Variants in CCSER1 observed in about 807,000 individuals in gnomAD.
The protein encoded by CCSER1 is serine-rich coiled-coil domain-containing protein 1.
Under a neutral mutation model 82.0 loss-of-function variants are expected in CCSER1, and 41 were observed. The observed-to-expected ratio is 0.50, with a 90% CI of 0.39 to 0.65. The LOEUF is 0.65. Ranked by LOEUF, CCSER1 falls within the 30% of genes least tolerant of loss-of-function variation. CCSER1 has a pLI of 0.00. For synonymous variants in CCSER1, 414 were observed against 383.9 expected, an observed-to-expected ratio of 1.08 and a Z score of -0.92; for missense variants, 1,119 against 1,064.2, an observed-to-expected ratio of 1.05 and a Z score of -0.72.
intron 5 of CCSER1, among the ~76,000 whole-genome samples, chr4:90,607,251 G>GAT: frequency 6.6e-6 from 1 of 152,178 alleles, no homozygotes; most frequent in South Asian, 2.1e-4. Flanking sequence ...TGTATATTTT[G>GAT]ATATATATGT....
Position 91,199,159 on chromosome 4 carries a change from A to G in CCSER1, c.2217+113165A>G, listed in dbSNP as rs532240670. Reference sequence around the variant, plus strand: ...AACAAGTGTTTATTAGCTCTAGCCTATATCACATGTTCCACACTTGCAGGA... The same window carrying G: ...AACAAGTGTTTATTAGCTCTAGCCTGTATCACATGTTCCACACTTGCAGGA... On this transcript the variant is annotated intron_variant, in intron 10 of 10. Transcript: ENST00000509176. Among the ~76,000 whole-genome samples the G allele has an allele frequency of 2.0e-4, 31 of 152,276 alleles. No homozygotes were observed. In the East Asian group the frequency reaches 4.1e-3, roughly 20 times the overall value.
At chr4:90,276,014 A>G (rs1727462811) in intron 1 of CCSER1, among the ~76,000 whole-genome samples, 1 of 152,166 alleles carries the variant, frequency 6.6e-6, no homozygotes, top group African/African-American at 2.4e-5. Flanking sequence ...ATGATCTCCC[A>G]TGAGTGGTCT....
At chr4:90,839,124 A>C in intron 8 of CCSER1, 4 of 961,416 alleles carry the variant, frequency 4.2e-6, no homozygotes, top group Admixed American at 2.0e-5. Flanking sequence ...TCGCCATAAT[A>C]TTTTTAATAA....
At chr4:91,233,046 A>T (rs1052401280) in intron 10 of CCSER1, among the ~76,000 whole-genome samples, 11 of 151,730 alleles carry the variant, frequency 7.2e-5, no homozygotes, top group African/African-American at 2.7e-4. Flanking sequence ...GATTGGAGAG[A>T]TCATTTACTG....
chr4:90,644,387 G>A (rs1727108798), intron 6 of CCSER1, among the ~76,000 whole-genome samples: 1 of 152,098 alleles, frequency 6.6e-6, no homozygotes, highest in Non-Finnish European at 1.5e-5. Context: ...GTGGCACCAT[G>A]TTGGCACTCA....
At chr4:91,493,364 GTAT>G (rs1193020300) in intron 10 of CCSER1, among the ~76,000 whole-genome samples, 3 of 151,598 alleles carry the variant, frequency 2.0e-5, no homozygotes, top group Admixed American at 6.6e-5. Context: ...ATATTTATGT[GTAT>G]TATTAATGGC....
intron 1 of CCSER1, among the ~76,000 whole-genome samples, chr4:90,188,867 G>A (rs1161524635): frequency 6.6e-6 from 1 of 151,928 alleles, no homozygotes; most frequent in Non-Finnish European, 1.5e-5. Context: ...ATAAGAATTA[G>A]GATAGGAGAC....
intron 10 of CCSER1, among the ~76,000 whole-genome samples, chr4:91,225,394 AT>A (rs1293115219): frequency 7.1e-6 from 1 of 141,274 alleles, no homozygotes; most frequent in Non-Finnish European, 1.5e-5. Flanking sequence ...TAATATATAT[AT>A]TCATATATAT....
chr4:91,081,591 G>T (rs1421710172), intron 9 of CCSER1, among the ~76,000 whole-genome samples: 1 of 148,758 alleles, frequency 6.7e-6, no homozygotes, highest in African/African-American at 2.6e-5. Flanking sequence ...AGAAATAAAG[G>T]GTATTCAATT....
At chr4:91,291,489 G>T (rs1455460036) in intron 10 of CCSER1, among the ~76,000 whole-genome samples, 1 of 151,972 alleles carries the variant, frequency 6.6e-6, no homozygotes, top group Non-Finnish European at 1.5e-5. Flanking sequence ...GCTAGCATCT[G>T]CTGGGCTTCT....
intron 7 of CCSER1, among the ~76,000 whole-genome samples, chr4:90,786,981 T>A (rs1754602008): frequency 1.3e-5 from 2 of 152,232 alleles, no homozygotes; most frequent in Admixed American, 1.3e-4. Context: ...AGGGAATCAC[T>A]AACTTAATTT....
intron 9 of CCSER1, among the ~76,000 whole-genome samples, chr4:90,988,317 A>C (rs1046750202): frequency 7.2e-6 from 1 of 138,644 alleles, no homozygotes; most frequent in African/African-American, 2.7e-5. Flanking sequence ...CCTGGGAGAC[A>C]GAGTGATATC....
At chr4:91,483,444 T>A (rs1270668613) in intron 10 of CCSER1, among the ~76,000 whole-genome samples, 1 of 152,014 alleles carries the variant, frequency 6.6e-6, no homozygotes, top group Admixed American at 6.6e-5. Context: ...TTTTTACTTT[T>A]TTTTTTTTGG....
At chr4:90,692,696 T>G (rs555323142) in intron 6 of CCSER1, among the ~76,000 whole-genome samples, 2 of 144,546 alleles carry the variant, frequency 1.4e-5, no homozygotes, top group African/African-American at 2.5e-5. Flanking sequence ...TTCAATACCA[T>G]GAACACATTA....
chr4:91,197,216 G>A (rs1272560618), intron 10 of CCSER1, among the ~76,000 whole-genome samples: 2 of 152,150 alleles, frequency 1.3e-5, no homozygotes, highest in African/African-American at 4.8e-5. Flanking sequence ...ATCCATGACA[G>A]CTAAACATCT....
At chr4:91,132,334 G>A (rs1008921884) in intron 10 of CCSER1, among the ~76,000 whole-genome samples, 1 of 152,066 alleles carries the variant, frequency 6.6e-6, no homozygotes, top group East Asian at 1.9e-4. Context: ...GACTGTGAAG[G>A]TGTACAAAAG....
chr4:91,181,307 G>A (rs1242637279), intron 10 of CCSER1, among the ~76,000 whole-genome samples: 4 of 152,208 alleles, frequency 2.6e-5, no homozygotes, highest in Non-Finnish European at 4.4e-5. Flanking sequence ...AGACAATACA[G>A]ATTAAAAGCA....
chr4:91,007,053 T>G (rs1277847216), intron 9 of CCSER1, among the ~76,000 whole-genome samples: 1 of 152,232 alleles, frequency 6.6e-6, no homozygotes, highest in Non-Finnish European at 1.5e-5. Context: ...TTGTCCTTTA[T>G]TCTGTTAATG....
intron 7 of CCSER1, among the ~76,000 whole-genome samples, chr4:90,782,451 A>G (rs1753898752): frequency 6.6e-6 from 1 of 152,166 alleles, no homozygotes; most frequent in African/African-American, 2.4e-5. Flanking sequence ...AGGGAAGTGA[A>G]GAAATATATT....
Sources: gnomAD v4.1 joint callset for allele counts (sites outside exome capture counted in the v4.1 genomes callset) on GRCh38, gnomAD v4.1.1 for gene constraint, MANE v1.5 for transcripts, NCBI Gene and HGNC (gene_info 2026-07-23, HGNC 2026-07-21) for gene names.